The following GATAD1 variants were observed in gnomAD, a reference collection of about 807,000 sequenced individuals.
GATAD1 encodes the protein GATA zinc finger domain containing 1.
A neutral mutation model predicts 26.5 loss-of-function variants in GATAD1; 12 were observed. That is an observed-to-expected ratio of 0.45 (90% CI 0.29 to 0.73). GATAD1 has a LOEUF of 0.73. GATAD1 is among the 30% of genes least tolerant of loss of function. GATAD1 has a pLI of 0.10. For synonymous variants in GATAD1, 129 were observed against 133.1 expected, an observed-to-expected ratio of 0.97 and a Z score of 0.21; for missense variants, 266 against 342.1, an observed-to-expected ratio of 0.78 and a Z score of 1.75.
chr7:92,485,987 C>A, the GATAD1 span, among the ~76,000 whole-genome samples: 6 of 152,212 alleles, frequency 3.9e-5, no homozygotes, highest in Non-Finnish European at 1.5e-5. Context: ...AGTGCTTATA[C>A]TAATCAAGTG....
chr7:92,450,627 T>C, intron 2 of GATAD1, 74 bp from the exon 3 acceptor site: 7 of 896,862 alleles, frequency 7.8e-6, no homozygotes, highest in Admixed American at 2.0e-5. Context: ...ATTGCAGAAC[T>C]CTCATAGGGC....
downstream of GATAD1, among the ~76,000 whole-genome samples, chr7:92,462,611 G>A (rs1789961313): frequency 6.6e-6 from 1 of 152,216 alleles, no homozygotes; most frequent in African/African-American, 2.4e-5. Context: ...CAGGCTGAAT[G>A]TGTGCCTGAT....
At chr7:92,484,625 ATTGAAGGGTAGTGAGAGAGGGAGT>A in the GATAD1 span, among the ~76,000 whole-genome samples, 1 of 152,140 alleles carries the variant, frequency 6.6e-6, no homozygotes, top group East Asian at 1.9e-4. Flanking sequence ...GGACAGGGAG[ATTGAAGGGTAGTGAGAGAGGGAGT>A]TTGAAGGGTA....
chr7:92,494,986 A>G, the GATAD1 span, among the ~76,000 whole-genome samples: 4 of 151,944 alleles, frequency 2.6e-5, no homozygotes, highest in South Asian at 2.1e-4. Flanking sequence ...CTCTTAGTCA[A>G]TAAGTCAAAC....
At position 92,454,708 on chromosome 7, in the gene GATAD1, G is replaced by A. The variant is rs767431383; in HGVS notation, c.619+23G>A. ...TAGGTAAGTTTGACAAATGGCACAG[G>A]TTTTTTTTTAACTTAGTTAACTCTC... On this transcript the variant is annotated intron_variant, in intron 4 of 4. Coordinates refer to ENST00000287957, the MANE Select transcript of GATAD1 (RefSeq NM_021167.5). 8.0e-6 allele frequency: 12 copies of A among 1,500,246 alleles called. No individual in the cohort carries two copies. In the South Asian group the frequency reaches 1.4e-4, roughly 17 times the overall value. The allele number at this position is 1,500,246 out of a possible 1,614,324, so 92.9% of individuals were successfully genotyped here.
the GATAD1 span, chr7:92,468,788 G>GC: frequency 1.3e-6 from 1 of 752,734 alleles, no homozygotes; most frequent in Non-Finnish European, 2.4e-6. Flanking sequence ...GCTGAATTGG[G>GC]GCGTAGTAGA....
At chr7:92,480,040 T>G in the GATAD1 span, among the ~76,000 whole-genome samples, 1 of 152,094 alleles carries the variant, frequency 6.6e-6, no homozygotes, top group Non-Finnish European at 1.5e-5. Context: ...AGGCTGAGTT[T>G]GGTGGGGTGT....
rs1359772869 is a variant in GATAD1 at position 92,447,664 on chromosome 7, G to A, written c.-66G>A. 2.7e-5 allele frequency: 36 copies of A among 1,344,498 alleles called. No individual in the cohort carries two copies. The Admixed American group carries it at 9.8e-4, about 37-fold the overall frequency. The allele number at this position is 1,344,498 out of a possible 1,614,324, so 83.3% of individuals were successfully genotyped here. A position where few individuals can be genotyped will look rare whatever the true frequency, so the allele number is the denominator to read the frequency against. ...CCGGGAGTGGCGGGCCGACCAGGGG[G>A]CGGCCGGGCTACCGTCCGCCATTCC... On this transcript the variant is annotated 5_prime_UTR_variant, in exon 1 of 5. Transcript: ENST00000287957.
chr7:92,452,265 G>A (rs1432836286), intron 3 of GATAD1, among the ~76,000 whole-genome samples: 1 of 152,196 alleles, frequency 6.6e-6, no homozygotes, highest in Non-Finnish European at 1.5e-5. Flanking sequence ...TCGTATTGTT[G>A]TCTGCCACCC....
chr7:92,464,524 A>G (rs1170347852), downstream of GATAD1, among the ~76,000 whole-genome samples: 1 of 152,212 alleles, frequency 6.6e-6, no homozygotes, highest in East Asian at 1.9e-4. Context: ...ATTCAGGCCT[A>G]CCACAGTCAA....
intron 1 of GATAD1, among the ~76,000 whole-genome samples, chr7:92,448,230 A>G (rs574547176): frequency 6.6e-6 from 1 of 152,370 alleles, no homozygotes; most frequent in South Asian, 2.1e-4. Context: ...ACATGTCTAC[A>G]CAGTCGTATA....
At chr7:92,463,679 AG>A (rs1790003243), downstream of GATAD1, among the ~76,000 whole-genome samples, 2 of 144,070 alleles carry the variant, frequency 1.4e-5, no homozygotes, top group Admixed American at 7.0e-5. Context: ...AAAAAAAAAA[AG>A]GTTGATACCT....
At chr7:92,450,406 C>T (rs1164859254) in intron 2 of GATAD1, 1 of 345,080 alleles carries the variant, frequency 2.9e-6, no homozygotes, top group African/African-American at 2.1e-5. Flanking sequence ...ATTTTTATAA[C>T]TGGAATGTTT....
intron 1 of GATAD1, 36 bp downstream of exon 1, chr7:92,448,014 G>C: frequency 1.7e-6 from 2 of 1,204,358 alleles, no homozygotes; most frequent in Non-Finnish European, 2.1e-6. Flanking sequence ...GGCGGAGGCC[G>C]ACCAGGTGCT....
chr7:92,492,287 G>A, the GATAD1 span, among the ~76,000 whole-genome samples: 7 of 152,148 alleles, frequency 4.6e-5, no homozygotes, highest in Admixed American at 1.3e-4. Context: ...AGGACTACAG[G>A]TATGTGCCAC....
At chr7:92,471,681 A>G in the GATAD1 span, 2 of 151,942 alleles carry the variant, frequency 1.3e-5, no homozygotes, top group Non-Finnish European at 2.9e-5. Flanking sequence ...GTTCTCTTCT[A>G]TTTCCCTTTC....
the GATAD1 span, chr7:92,489,874 T>C: frequency 6.2e-7 from 1 of 1,614,062 alleles, no homozygotes. Flanking sequence ...AGGCAAATCC[T>C]GAGTCATGGA....
At chr7:92,463,967 CA>C (rs1315774803), downstream of GATAD1, among the ~76,000 whole-genome samples, 2 of 150,392 alleles carry the variant, frequency 1.3e-5, no homozygotes, top group African/African-American at 2.4e-5. Flanking sequence ...GACTTAGTCT[CA>C]AAAAAAAGGT....
At position 92,454,532 on chromosome 7, in the gene GATAD1, T is replaced by G. The variant is rs754965302; in HGVS notation, c.466T>G (p.Ser156Ala). ...GVYYQIGDVVSVIDEQDGKPY... is the reference protein window; with the variant it reads ...GVYYQIGDVVAVIDEQDGKPY... ...ATATTACCAAATTGGTGATGTTGTT[T>G]CTGTGATTGATGAACAAGATGGAAA... Residue 156 changes from serine (S) to alanine (A), a missense_variant, in exon 4 of 5, where the codon TCT becomes GCT. Physicochemically the swap from Ser to Ala is moderately conservative, Grantham distance 99. Transcript: ENST00000287957. The G allele has an allele frequency of 1.9e-6, 3 of 1,612,752 alleles. No individual in the cohort carries two copies. In the East Asian group the frequency reaches 6.7e-5, roughly 36 times the overall value.
Sources: gnomAD v4.1 joint callset for allele counts (sites outside exome capture counted in the v4.1 genomes callset) on GRCh38, gnomAD v4.1.1 for gene constraint, MANE v1.5 for transcripts, NCBI Gene and HGNC (gene_info 2026-07-23, HGNC 2026-07-21) for gene names.